Variants in RBFOX1 observed in about 807,000 individuals in gnomAD.
RBFOX1 encodes RNA binding protein fox-1 homolog 1.
RBFOX1 carries 8 observed loss-of-function variants against 57.7 expected under a neutral mutation model. The observed-to-expected ratio is 0.14, with a 90% CI of 0.08 to 0.25. RBFOX1 has a LOEUF of 0.25. Ranked by LOEUF, RBFOX1 falls within the 10% of genes least tolerant of loss-of-function variation. The probability of loss-of-function intolerance (pLI) is 1.00; values close to 1 mark genes in which losing one functional copy is unlikely to be tolerated. For missense variants in RBFOX1, 611 were observed against 548.5 expected (o/e 1.11, Z -1.14); for synonymous variants, 326 against 222.4 (o/e 1.47, Z -4.15).
At chr16:5,898,652 C>G (rs1229971395) in intron 4 of RBFOX1, among the ~76,000 whole-genome samples, 2 of 151,736 alleles carry the variant, frequency 1.3e-5, no homozygotes, top group Non-Finnish European at 2.9e-5. Context: ...TCCAAAATTA[C>G]CCAGGTAGTG....
chr16:7,208,873 G>C (rs775350526), intron 4 of RBFOX1, among the ~76,000 whole-genome samples: 8 of 152,014 alleles, frequency 5.3e-5, no homozygotes, highest in Non-Finnish European at 1.0e-4. Flanking sequence ...AAGCCCACCA[G>C]TTCTCCTAAG....
At chr16:5,984,168 CCCTTCCCCTCCCCCTCCTCCTCT>C (rs2060235667) in intron 4 of RBFOX1, among the ~76,000 whole-genome samples, 3 of 36,806 alleles carry the variant, frequency 8.2e-5, no homozygotes, top group Non-Finnish European at 1.5e-4. Flanking sequence ...CCTCCTCCTC[CCCTTCCCCTCCCCCTCCTCCTCT>C]CCTTCCCCTC....
intron 1 of RBFOX1, among the ~76,000 whole-genome samples, chr16:5,329,537 G>T (rs1278725050): frequency 6.6e-6 from 1 of 152,176 alleles, no homozygotes; most frequent in Non-Finnish European, 1.5e-5. Context: ...TTTGGGTGGG[G>T]ACACAGACCC....
intron 3 of RBFOX1, among the ~76,000 whole-genome samples, chr16:6,751,523 T>A (rs1242183196): frequency 6.6e-6 from 1 of 152,144 alleles, no homozygotes; most frequent in African/African-American, 2.4e-5. Context: ...GTGAAATGAT[T>A]TTGGAGTCAC....
At chr16:7,459,374 A>G (rs1185385534) in intron 4 of RBFOX1, among the ~76,000 whole-genome samples, 3 of 152,202 alleles carry the variant, frequency 2.0e-5, no homozygotes, top group Non-Finnish European at 2.9e-5. Context: ...ATTTTGTACA[A>G]AAGTATGTTT....
At chr16:6,384,188 C>A (rs2092074322) in intron 2 of RBFOX1, among the ~76,000 whole-genome samples, 1 of 151,302 alleles carries the variant, frequency 6.6e-6, no homozygotes. Flanking sequence ...ATGCTTTATG[C>A]TGAAATTGCC....
intron 3 of RBFOX1, among the ~76,000 whole-genome samples, chr16:6,801,796 C>A (rs972601834): frequency 6.6e-6 from 1 of 152,032 alleles, no homozygotes; most frequent in Admixed American, 6.6e-5. Flanking sequence ...CTCAAAATTA[C>A]AAAGTTTTCC....
At chr16:6,409,782 A>G (rs1035509485) in intron 2 of RBFOX1, among the ~76,000 whole-genome samples, 2 of 152,180 alleles carry the variant, frequency 1.3e-5, no homozygotes, top group Non-Finnish European at 2.9e-5. Context: ...ATCAAAATCC[A>G]CAAGTGACTC....
chr16:6,803,019 A>T (rs562621502), intron 3 of RBFOX1, among the ~76,000 whole-genome samples: 2 of 152,296 alleles, frequency 1.3e-5, no homozygotes, highest in African/African-American at 4.8e-5. Context: ...CTGCCTTGCT[A>T]CTAGGAAAAG....
At chr16:5,679,336 T>C (rs535737090) in intron 3 of RBFOX1, among the ~76,000 whole-genome samples, 167 of 149,892 alleles carry the variant, frequency 1.1e-3, no homozygotes, top group African/African-American at 1.4e-3. Flanking sequence ...TTCTCTCTCT[T>C]TTTTTTTTTT....
intron 3 of RBFOX1, among the ~76,000 whole-genome samples, chr16:6,816,488 T>G (rs1316412178): frequency 1.3e-5 from 2 of 151,048 alleles, no homozygotes; most frequent in Non-Finnish European, 2.9e-5. Flanking sequence ...ATGCCTGTAA[T>G]CTCAGTACTT....
chr16:6,762,301 C>A (rs907664723), intron 3 of RBFOX1, among the ~76,000 whole-genome samples: 1 of 152,104 alleles, frequency 6.6e-6, no homozygotes, highest in African/African-American at 2.4e-5. Flanking sequence ...AAAATACTGA[C>A]TTTTGGTCTT....
At chr16:6,805,026 C>T (rs909184829) in intron 3 of RBFOX1, among the ~76,000 whole-genome samples, 1 of 152,166 alleles carries the variant, frequency 6.6e-6, no homozygotes. Context: ...TTTGACCTAC[C>T]AGTCCCATTA....
chr16:6,052,835 A>ATAATAT (rs1420538281), intron 1 of RBFOX1, among the ~76,000 whole-genome samples: 2 of 148,718 alleles, frequency 1.3e-5, no homozygotes. Flanking sequence ...AATAATAATA[A>ATAATAT]TATTAATGCC....
At chr16:7,334,883 T>A (rs189621199) in intron 4 of RBFOX1, among the ~76,000 whole-genome samples, 44 of 152,308 alleles carry the variant, frequency 2.9e-4, no homozygotes, top group Admixed American at 1.5e-3. Flanking sequence ...TACTGTGTTT[T>A]TCCAAGCGAC....
intron 4 of RBFOX1, among the ~76,000 whole-genome samples, chr16:7,108,341 AG>A (rs5815371): frequency 0.32 from 48,276 of 152,002 alleles, 8,490 homozygotes; most frequent in South Asian, 0.39. Flanking sequence ...ATTTCAGTAC[AG>A]CTTGTCCTTT....
rs149043691 is a variant in RBFOX1, at chr16:7,032,309, G to A, written c.-15-19748G>A. On this transcript the variant is annotated intron_variant, in intron 3 of 15. Transcript: ENST00000550418. ...AAACAAAAAAATTTAGCTGGGTGTG[G>A]TGGGAGGAGCCTGTAGTCCTAGCTA... is the stretch of plus-strand genomic sequence containing the variant. 6.7e-3 allele frequency among the ~76,000 whole-genome samples: 1,019 copies of A among 152,108 alleles called. 5 individuals are homozygous for A. Among genetic ancestry groups the A allele is most frequent in the Non-Finnish European group, 8.8e-3 (595 of 67,988 alleles).
intron 4 of RBFOX1, among the ~76,000 whole-genome samples, chr16:7,183,205 C>A (rs528847143): frequency 6.6e-6 from 1 of 152,256 alleles, no homozygotes; most frequent in African/African-American, 2.4e-5. Context: ...TCCTGGCTGC[C>A]TGTGTCTGAA....
At chr16:7,465,977 C>G (rs930077954) in intron 4 of RBFOX1, among the ~76,000 whole-genome samples, 2 of 152,212 alleles carry the variant, frequency 1.3e-5, no homozygotes, top group African/African-American at 4.8e-5. Flanking sequence ...GCAGACATCT[C>G]TCTAACAGAT....
Sources: gnomAD v4.1 joint callset for allele counts (sites outside exome capture counted in the v4.1 genomes callset) on GRCh38, gnomAD v4.1.1 for gene constraint, MANE v1.5 for transcripts, NCBI Gene and HGNC (gene_info 2026-07-23, HGNC 2026-07-21) for gene names.